The following GPC5 variants were observed in gnomAD, a reference collection of about 807,000 sequenced individuals.
GPC5 encodes glypican 5, also known as glypican-5.
In GPC5, 47 loss-of-function variants were observed where a neutral mutation model predicts 53.9. The observed-to-expected ratio is 0.87, with a 90% CI of 0.69 to 1.11. The LOEUF is 1.11. Among genes scored for constraint, GPC5 ranks in the 50% most tolerant of loss-of-function variants. The pLI, the probability that GPC5 is intolerant of heterozygous loss-of-function variation, is 0.00. For missense variants in GPC5, 748 were observed against 713.1 expected (o/e 1.05, Z -0.56); for synonymous variants, 286 against 263.3 (o/e 1.09, Z -0.84).
intron 7 of GPC5, among the ~76,000 whole-genome samples, chr13:92,577,375 G>T (rs1311182827): frequency 6.6e-6 from 1 of 151,502 alleles, no homozygotes; most frequent in Non-Finnish European, 1.5e-5. Context: ...TATATAGCTA[G>T]ATAGATAAAC....
intron 1 of GPC5, among the ~76,000 whole-genome samples, chr13:91,399,444 T>C (rs1300724151): frequency 6.6e-6 from 1 of 152,080 alleles, no homozygotes; most frequent in East Asian, 1.9e-4. Context: ...GGCATCTGCT[T>C]CCCGCCCGGC....
chr13:91,833,640 C>A (rs1566293321), intron 5 of GPC5, among the ~76,000 whole-genome samples: 1 of 152,080 alleles, frequency 6.6e-6, no homozygotes, highest in African/African-American at 2.4e-5. Context: ...ATGACAAAAA[C>A]CACATGATTA....
At chr13:92,154,257 C>T (rs1169736984) in intron 7 of GPC5, among the ~76,000 whole-genome samples, 3 of 152,156 alleles carry the variant, frequency 2.0e-5, no homozygotes, top group Non-Finnish European at 4.4e-5. Flanking sequence ...GAATCCTTCC[C>T]CATGACCCAA....
intron 7 of GPC5, among the ~76,000 whole-genome samples, chr13:92,276,125 G>GTA (rs2042873490): frequency 1.3e-5 from 2 of 152,186 alleles, no homozygotes; most frequent in African/African-American, 4.8e-5. Context: ...TCAGCTTCCA[G>GTA]TGTGTGTGTG....
At chr13:91,985,073 A>AATGTT (rs2040394496) in intron 6 of GPC5, among the ~76,000 whole-genome samples, 1 of 152,202 alleles carries the variant, frequency 6.6e-6, no homozygotes, top group Admixed American at 6.5e-5. Flanking sequence ...AGCTATGATT[A>AATGTT]TGCATTTGTC....
intron 5 of GPC5, among the ~76,000 whole-genome samples, chr13:91,902,086 T>C (rs954592261): frequency 2.0e-5 from 3 of 152,030 alleles, no homozygotes; most frequent in Admixed American, 6.6e-5. Flanking sequence ...GTAACTGATT[T>C]GTAATGAATT....
chr13:92,794,640 G>A (rs559455845), intron 7 of GPC5, among the ~76,000 whole-genome samples: 100 of 152,118 alleles, frequency 6.6e-4, no homozygotes, highest in Non-Finnish European at 1.2e-3. Context: ...AAACCCCATC[G>A]TCTCAGCCAA....
chr13:91,838,603 AGAC>A (rs895455997), intron 5 of GPC5, among the ~76,000 whole-genome samples: 1 of 152,020 alleles, frequency 6.6e-6, no homozygotes, highest in Admixed American at 6.6e-5. Flanking sequence ...AGTGGGGAGA[AGAC>A]AGCCTGGAAT....
At chr13:91,569,757 A>C (rs2031699024) in intron 2 of GPC5, among the ~76,000 whole-genome samples, 1 of 152,112 alleles carries the variant, frequency 6.6e-6, no homozygotes, top group African/African-American at 2.4e-5. Flanking sequence ...GCCTTGTAAA[A>C]TGGCTAAAGG....
intron 2 of GPC5, among the ~76,000 whole-genome samples, chr13:91,638,114 G>A (rs1464487825): frequency 6.6e-6 from 1 of 152,228 alleles, no homozygotes; most frequent in Non-Finnish European, 1.5e-5. Flanking sequence ...TGACATAGGA[G>A]TAAAAAGCGA....
At chr13:91,601,473 C>T (rs1254057449) in intron 2 of GPC5, among the ~76,000 whole-genome samples, 14 of 152,152 alleles carry the variant, frequency 9.2e-5, no homozygotes, top group Admixed American at 9.2e-4. Flanking sequence ...CCCTACCAGT[C>T]CGTGGCCTGT....
chr13:91,665,188 T>G (rs1252209838), intron 2 of GPC5, among the ~76,000 whole-genome samples: 1 of 152,258 alleles, frequency 6.6e-6, no homozygotes, highest in African/African-American at 2.4e-5. Flanking sequence ...AGTTGCTTCA[T>G]GCTACAAAAT....
chr13:91,898,690 A>AT (rs895839017), intron 5 of GPC5, among the ~76,000 whole-genome samples: 2 of 151,700 alleles, frequency 1.3e-5, no homozygotes, highest in African/African-American at 4.8e-5. Flanking sequence ...ACAAAAAAAA[A>AT]ATCTATTAGG....
chr13:92,790,005 G>A (rs1421466295), intron 7 of GPC5, among the ~76,000 whole-genome samples: 2 of 152,146 alleles, frequency 1.3e-5, no homozygotes, highest in East Asian at 1.9e-4. Flanking sequence ...GGAATCTGAT[G>A]TTCGAGGGCA....
At chr13:92,683,973 T>C (rs1887180034) in intron 7 of GPC5, among the ~76,000 whole-genome samples, 1 of 152,184 alleles carries the variant, frequency 6.6e-6, no homozygotes. Flanking sequence ...AGTATATGGA[T>C]TTTAATAGAT....
chr13:91,423,421 G>A (rs536179297), intron 1 of GPC5, among the ~76,000 whole-genome samples: 1 of 152,304 alleles, frequency 6.6e-6, no homozygotes, highest in South Asian at 2.1e-4. Flanking sequence ...ATGGCCAAAA[G>A]CCAGGTTGAT....
chr13:92,369,792 A>G (rs1042049883), intron 7 of GPC5, among the ~76,000 whole-genome samples: 8 of 152,226 alleles, frequency 5.3e-5, no homozygotes, highest in African/African-American at 1.9e-4. Flanking sequence ...AGTAACTGGA[A>G]TTAATTTTTA....
intron 2 of GPC5, among the ~76,000 whole-genome samples, chr13:91,650,362 T>C (rs2034668623): frequency 6.6e-6 from 1 of 152,196 alleles, no homozygotes; most frequent in East Asian, 1.9e-4. Context: ...ACAAATAGAA[T>C]CTTGTAGTAT....
At chr13:92,753,671 T>G (rs1371232930) in intron 7 of GPC5, among the ~76,000 whole-genome samples, 2 of 151,774 alleles carry the variant, frequency 1.3e-5, no homozygotes, top group African/African-American at 2.4e-5. Flanking sequence ...GCTCGAGAAC[T>G]ACGTGAAGAA....
Sources: allele counts gnomAD v4.1 joint callset (sites outside exome capture counted in the v4.1 genomes callset), GRCh38; gene constraint gnomAD v4.1.1; transcripts MANE v1.5; gene names NCBI Gene and HGNC (gene_info 2026-07-23, HGNC 2026-07-21).